DAAM1: variants seen among roughly 807,000 people sequenced by gnomAD.
The protein encoded by DAAM1 is disheveled-associated activator of morphogenesis 1.
Under a neutral mutation model 130.0 loss-of-function variants are expected in DAAM1, and 52 were observed. The observed-to-expected ratio is 0.40, with a 90% CI of 0.32 to 0.50. DAAM1 has a LOEUF of 0.50. Ranked by LOEUF, DAAM1 falls within the 20% of genes least tolerant of loss-of-function variation. DAAM1 has a pLI of 0.61. For synonymous variants in DAAM1, 452 were observed against 444.5 expected (o/e 1.02, Z -0.21); for missense variants, 1,134 against 1,303.8 (o/e 0.87, Z 2.01).
chr14:59,226,030 G>C (rs1451727796), intron 1 of DAAM1, among the ~76,000 whole-genome samples: 1 of 152,070 alleles, frequency 6.6e-6, no homozygotes, highest in Admixed American at 6.6e-5. Context: ...ACATATACTC[G>C]AAATGTGTTT....
At chr14:59,291,027 T>A (rs1377638290) in intron 2 of DAAM1, among the ~76,000 whole-genome samples, 190 bp from the exon 3 acceptor site, 6 of 152,304 alleles carry the variant, frequency 3.9e-5, no homozygotes, top group South Asian at 2.1e-4. Flanking sequence ...GCCCCATGCC[T>A]AGCCCCCTGC....
chr14:59,279,435 T>G (rs1013501047), intron 2 of DAAM1, among the ~76,000 whole-genome samples: 2 of 152,218 alleles, frequency 1.3e-5, no homozygotes, highest in Non-Finnish European at 2.9e-5. Flanking sequence ...TTTGTATCCA[T>G]TATTTTTTCC....
intron 1 of DAAM1, among the ~76,000 whole-genome samples, chr14:59,212,000 CTTATT>C (rs1888439430): frequency 6.6e-6 from 1 of 152,048 alleles, no homozygotes; most frequent in Admixed American, 6.5e-5. Flanking sequence ...CTCCTTAATT[CTTATT>C]TTAAGTGAAA....
intron 1 of DAAM1, among the ~76,000 whole-genome samples, chr14:59,226,283 G>A (rs1243123810): frequency 1.3e-5 from 2 of 152,188 alleles, no homozygotes; most frequent in African/African-American, 2.4e-5. Flanking sequence ...GCACCAAGTA[G>A]CACCAAAGGG....
chr14:59,203,604 T>C (rs1303764084), intron 1 of DAAM1, among the ~76,000 whole-genome samples: 2 of 152,242 alleles, frequency 1.3e-5, no homozygotes, highest in African/African-American at 2.4e-5. Flanking sequence ...TTAATATTTA[T>C]GGACCACTTG....
chr14:59,242,379 A>G (rs1418229602), intron 1 of DAAM1, among the ~76,000 whole-genome samples: 1 of 152,124 alleles, frequency 6.6e-6, no homozygotes, highest in African/African-American at 2.4e-5. Flanking sequence ...AACAACAACA[A>G]CAGACATGGG....
intron 1 of DAAM1, among the ~76,000 whole-genome samples, chr14:59,240,475 A>G (rs970130030): frequency 6.6e-6 from 1 of 152,106 alleles, no homozygotes; most frequent in Non-Finnish European, 1.5e-5. Flanking sequence ...AGTTCATTGA[A>G]TCACTCAATG....
chr14:59,231,901 G>A (rs1471217049), intron 1 of DAAM1, among the ~76,000 whole-genome samples: 1 of 152,212 alleles, frequency 6.6e-6, no homozygotes, highest in Non-Finnish European at 1.5e-5. Context: ...ATGGTATTTG[G>A]AGGTGGAGTC....
chr14:59,317,829 A>G (rs571827076), intron 4 of DAAM1, among the ~76,000 whole-genome samples: 2 of 152,132 alleles, frequency 1.3e-5, no homozygotes, highest in Admixed American at 1.3e-4. Flanking sequence ...TTTGCCTCTC[A>G]CTAATTCAGT....
chr14:59,259,968 C>G (rs548991493), intron 1 of DAAM1, among the ~76,000 whole-genome samples: 3 of 152,030 alleles, frequency 2.0e-5, no homozygotes, highest in East Asian at 3.9e-4. Flanking sequence ...GGCGTGAACC[C>G]GGGAGGCGGA....
At chr14:59,210,280 A>G (rs1888389400) in intron 1 of DAAM1, among the ~76,000 whole-genome samples, 9 of 152,248 alleles carry the variant, frequency 5.9e-5, no homozygotes, top group Admixed American at 5.9e-4. Context: ...TATTACAATT[A>G]TCTGTGATTG....
chr14:59,207,264 C>A (rs1888288330), intron 1 of DAAM1, among the ~76,000 whole-genome samples: 1 of 152,118 alleles, frequency 6.6e-6, no homozygotes. Context: ...GCATGTAAGG[C>A]AATTATATCA....
intron 22 of DAAM1, 187 bp from the exon 23 acceptor site, chr14:59,363,463 TG>T (rs1886790720): frequency 4.5e-6 from 3 of 673,460 alleles, no homozygotes; most frequent in Non-Finnish European, 7.2e-6. Flanking sequence ...CGTGTGCACA[TG>T]GGCATGGCTT....
At chr14:59,249,891 TAGA>T (rs1881556708) in intron 1 of DAAM1, among the ~76,000 whole-genome samples, 1 of 152,208 alleles carries the variant, frequency 6.6e-6, no homozygotes, top group Non-Finnish European at 1.5e-5. Flanking sequence ...TACCTGGAAG[TAGA>T]GGAGAGTTTT....
chr14:59,304,314 T>C (rs950510622), intron 3 of DAAM1, among the ~76,000 whole-genome samples: 9 of 152,254 alleles, frequency 5.9e-5, no homozygotes, highest in Non-Finnish European at 1.0e-4. Flanking sequence ...TACTATTGAA[T>C]CATTCCATTC....
At position 59,367,096 on chromosome 14, in the gene DAAM1, C is replaced by T. The variant is rs1309840309; in HGVS notation, c.2827-333C>T. ...CTGAGGTCAGAAGTTGAGACCAGCC[C>T]GGCCAACATGGCAAAATCCTGACTC... On this transcript the variant is annotated intron_variant, in intron 23 of 24. Transcript: ENST00000360909. 2.0e-5 allele frequency among the ~76,000 whole-genome samples: 3 copies of T among 151,774 alleles called. No homozygotes were observed. In the South Asian group the frequency reaches 6.2e-4, roughly 32 times the overall value.
intron 1 of DAAM1, among the ~76,000 whole-genome samples, chr14:59,255,876 A>G (rs971973693): frequency 6.6e-6 from 1 of 152,218 alleles, no homozygotes; most frequent in African/African-American, 2.4e-5. Flanking sequence ...GGGAAGAACA[A>G]TTATGGTCCC....
At chr14:59,276,923 T>C (rs796106518) in intron 2 of DAAM1, among the ~76,000 whole-genome samples, 5 of 152,338 alleles carry the variant, frequency 3.3e-5, no homozygotes, top group African/African-American at 1.2e-4. Flanking sequence ...TCAATCATTA[T>C]TTGAATGTCC....
chr14:59,253,866 A>G lies in DAAM1; in HGVS notation c.-37-9575A>G, dbSNP rs115413063. On this transcript the variant is annotated intron_variant, in intron 1 of 24. Transcript: ENST00000360909. The stretch of plus-strand genomic sequence containing the variant: ...ACCTCCAGTATCTTCTTTAATCCAT[A>G]GTAAACTTTGCTTCAAGATATGGTA... Among the ~76,000 whole-genome samples, 981 of 152,320 alleles carry G rather than the reference A, an allele frequency of 6.4e-3. 7 individuals are homozygous for G. Among genetic ancestry groups the G allele is most frequent in the African/African-American group, 0.022 (915 of 41,572 alleles).
Sources: gnomAD v4.1 joint callset for allele counts (sites outside exome capture counted in the v4.1 genomes callset) on GRCh38, gnomAD v4.1.1 for gene constraint, MANE v1.5 for transcripts, NCBI Gene and HGNC (gene_info 2026-07-23, HGNC 2026-07-21) for gene names.